KCNN2: variants seen among roughly 807,000 people sequenced by gnomAD.
The protein encoded by KCNN2 is potassium calcium-activated channel subfamily N member 2, also known as small conductance calcium-activated potassium channel protein 2.
KCNN2 carries 24 observed loss-of-function variants against 55.5 expected under a neutral mutation model. The observed-to-expected ratio is 0.43, with a 90% CI of 0.31 to 0.61. The LOEUF is 0.61. Among genes scored for constraint, KCNN2 ranks in the 20% least tolerant of loss-of-function variants. The pLI, the probability that KCNN2 is intolerant of heterozygous loss-of-function variation, is 0.08. For missense variants in KCNN2, 754 were observed against 853.6 expected (o/e 0.88, Z 1.45); for synonymous variants, 431 against 336.1 (o/e 1.28, Z -3.09).
At chr5:114,486,968 G>A (rs1231460624) in intron 5 of KCNN2, 82 bp from the exon 6 acceptor site, 1 of 1,489,322 alleles carries the variant, frequency 6.7e-7, no homozygotes, top group Non-Finnish European at 9.3e-7. Context: ...ATGATCCTTG[G>A]GATGAAGACT....
intron 1 of KCNN2, among the ~76,000 whole-genome samples, chr5:114,108,804 C>T (rs1030004513): frequency 3.3e-5 from 5 of 151,886 alleles, no homozygotes; most frequent in Non-Finnish European, 7.4e-5. Context: ...CAGTTTGGGG[C>T]TTTTGTGGTT....
intron 2 of KCNN2, among the ~76,000 whole-genome samples, chr5:114,237,055 A>T (rs778476760): frequency 2.6e-5 from 4 of 152,152 alleles, no homozygotes; most frequent in Non-Finnish European, 5.9e-5. Context: ...CTTGAACATA[A>T]GTCTTGCTAT....
chr5:114,463,338 A>C, intron 4 of KCNN2, 148 bp downstream of exon 4: 4 of 602,730 alleles, frequency 6.6e-6, no homozygotes, highest in Non-Finnish European at 1.1e-5. Context: ...GTTGAGAGAG[A>C]ATGTCAACAG....
chr5:114,348,183 T>C (rs1354449618), intron 2 of KCNN2, among the ~76,000 whole-genome samples: 1 of 150,336 alleles, frequency 6.7e-6, no homozygotes, highest in African/African-American at 2.5e-5. Flanking sequence ...CTCGGTCTCA[T>C]GATGCTGTAT....
At chr5:114,099,098 T>G (rs1751322037) in intron 1 of KCNN2, among the ~76,000 whole-genome samples, 1 of 152,172 alleles carries the variant, frequency 6.6e-6, no homozygotes, top group African/African-American at 2.4e-5. Context: ...AAATAAATAA[T>G]TCATCAAATT....
chr5:114,213,292 A>G (rs766359322), intron 1 of KCNN2, among the ~76,000 whole-genome samples: 21 of 151,900 alleles, frequency 1.4e-4, no homozygotes, highest in Non-Finnish European at 2.5e-4. Context: ...TGCTGTTTCA[A>G]TTTGGGGAAT....
intron 2 of KCNN2, among the ~76,000 whole-genome samples, chr5:114,394,701 G>C (rs1196127115): frequency 6.6e-6 from 1 of 152,076 alleles, no homozygotes; most frequent in South Asian, 2.1e-4. Context: ...TTCTCCAGGT[G>C]GTTACTTAGT....
At chr5:114,092,567 A>G (rs1254051170) in intron 1 of KCNN2, among the ~76,000 whole-genome samples, 1 of 152,086 alleles carries the variant, frequency 6.6e-6, no homozygotes. Context: ...CTGACCCCAC[A>G]TTTTCCTTCT....
intron 2 of KCNN2, among the ~76,000 whole-genome samples, chr5:114,336,984 A>G (rs1756933977): frequency 6.6e-6 from 1 of 152,212 alleles, no homozygotes; most frequent in African/African-American, 2.4e-5. Flanking sequence ...AGCCATGGAA[A>G]GATTTTAAAC....
intron 5 of KCNN2, among the ~76,000 whole-genome samples, chr5:114,486,194 T>A (rs1762431363): frequency 6.6e-6 from 1 of 152,206 alleles, no homozygotes; most frequent in African/African-American, 2.4e-5. Flanking sequence ...CCTTTTTCCA[T>A]CACTTAAAAG....
At position 114,288,911 on chromosome 5, in the gene KCNN2, CCTAT is replaced by C. The variant is rs757010929; in HGVS notation, c.-185+67350_-185+67353del. On this transcript the variant is annotated intron_variant, in intron 2 of 10. Coordinates refer to the KCNN2 transcript ENST00000512097. ...TTTTCATTGCTTATGCTTTTGGTGT[CCTAT>C]CTAAGAATGTATTGCCAAAACCCAG... is the stretch of plus-strand genomic sequence containing the variant. Among the ~76,000 whole-genome samples the C allele has an allele frequency of 3.9e-4, 59 of 151,714 alleles. 1 individual carries two copies. Among genetic ancestry groups the C allele is most frequent in the Non-Finnish European group, 2.1e-4 (14 of 67,970 alleles).
intron 1 of KCNN2, among the ~76,000 whole-genome samples, chr5:114,101,028 C>T (rs1580513345): frequency 6.6e-6 from 1 of 151,624 alleles, no homozygotes; most frequent in Non-Finnish European, 1.5e-5. Context: ...ACATTAAGTG[C>T]TTTAATAACT....
chr5:114,394,018 CAG>C (rs893827204), intron 2 of KCNN2, among the ~76,000 whole-genome samples: 1 of 152,044 alleles, frequency 6.6e-6, no homozygotes, highest in Non-Finnish European at 1.5e-5. Context: ...ATTGATATGA[CAG>C]ATTTTATTCT....
chr5:114,177,434 G>C (rs1335865745), intron 1 of KCNN2, among the ~76,000 whole-genome samples: 1 of 151,958 alleles, frequency 6.6e-6, no homozygotes, highest in East Asian at 1.9e-4. Context: ...ACGGCACCCA[G>C]CTAATATGCT....
At chr5:114,379,535 TATATATTATAGA>T (rs1436945143) in intron 2 of KCNN2, among the ~76,000 whole-genome samples, 11 of 89,678 alleles carry the variant, frequency 1.2e-4, no homozygotes, top group African/African-American at 5.6e-4. Context: ...TATAACATAT[TATATATTATAGA>T]ATATATTATA....
chr5:114,102,173 C>T (rs141566983), intron 1 of KCNN2, among the ~76,000 whole-genome samples: 1,636 of 152,264 alleles, frequency 0.011, 36 homozygotes, highest in African/African-American at 0.037. Context: ...TTGCATTTCT[C>T]TAATGAACAG....
chr5:114,370,724 C>A (rs983484284), intron 2 of KCNN2, among the ~76,000 whole-genome samples: 10 of 151,878 alleles, frequency 6.6e-5, no homozygotes, highest in African/African-American at 1.9e-4. Flanking sequence ...TAGCATAGGC[C>A]AAGCAGGAGC....
Position 114,256,072 on chromosome 5 carries a change from C to T in KCNN2, c.-185+34507C>T, listed in dbSNP as rs553159750. Among the ~76,000 whole-genome samples the T allele has an allele frequency of 8.5e-5, 13 of 152,176 alleles. No homozygotes were observed. In the South Asian group the frequency reaches 2.7e-3, roughly 32 times the overall value. On this transcript the variant is annotated intron_variant, in intron 2 of 10. Coordinates refer to the KCNN2 transcript ENST00000512097. ...ATGTTCATGGGTACACATTATTTAGCTCCCAGTTACAAGTGGAATGTGCAG... is the reference window on the plus strand; with the variant it reads ...ATGTTCATGGGTACACATTATTTAGTTCCCAGTTACAAGTGGAATGTGCAG...
upstream of KCNN2, among the ~76,000 whole-genome samples, chr5:114,357,403 C>G (rs1394021054): frequency 7.3e-6 from 1 of 137,466 alleles, no homozygotes; most frequent in Non-Finnish European, 1.6e-5. Flanking sequence ...CACCCACTAA[C>G]TCGTCATCTA....
Sources: allele counts gnomAD v4.1 joint callset (sites outside exome capture counted in the v4.1 genomes callset), GRCh38; gene constraint gnomAD v4.1.1; transcripts MANE v1.5; gene names NCBI Gene and HGNC (gene_info 2026-07-23, HGNC 2026-07-21).